BUD13: variants seen among roughly 807,000 people sequenced by gnomAD.
The protein encoded by BUD13 is BUD13 spliceosome associated protein.
In BUD13, 47 loss-of-function variants were observed where a neutral mutation model predicts 62.5. The ratio of observed to expected loss-of-function variants is 0.75; its 90% CI spans 0.60 to 0.96. The LOEUF (loss-of-function observed/expected upper bound fraction) is 0.96. Ranked by LOEUF, BUD13 falls within the 40% of genes least tolerant of loss-of-function variation. The pLI, the probability that BUD13 is intolerant of heterozygous loss-of-function variation, is 0.00. For missense variants in BUD13, 821 were observed against 790.9 expected, an observed-to-expected ratio of 1.04 and a Z score of -0.46; for synonymous variants, 293 against 280.1, an observed-to-expected ratio of 1.05 and a Z score of -0.46.
At chr11:116,757,047 T>C in intron 9 of BUD13, 99 bp downstream of exon 9, 1 of 1,161,400 alleles carries the variant, frequency 8.6e-7, no homozygotes, top group Non-Finnish European at 1.3e-6. Context: ...TTTTTCACCT[T>C]GTGATTAAAG....
intron 4 of BUD13, among the ~76,000 whole-genome samples, chr11:116,761,182 G>A (rs966857146): frequency 1.2e-4 from 18 of 151,900 alleles, no homozygotes; most frequent in Non-Finnish European, 2.4e-4. Context: ...CTCCCAAGTA[G>A]CTGGAATTAC....
intron 5 of BUD13, among the ~76,000 whole-genome samples, chr11:116,760,402 G>A (rs1940408425): frequency 6.6e-6 from 1 of 152,242 alleles, no homozygotes; most frequent in South Asian, 2.1e-4. Flanking sequence ...TTGACACAAT[G>A]CTTGTGCTCC....
chr11:116,754,289 C>T (rs1290992676), intron 9 of BUD13, among the ~76,000 whole-genome samples: 3 of 152,176 alleles, frequency 2.0e-5, no homozygotes, highest in Non-Finnish European at 4.4e-5. Context: ...TCAAGCAATC[C>T]GTCTGCCTTG....
At chr11:116,752,508 T>C (rs1032596700) in intron 9 of BUD13, among the ~76,000 whole-genome samples, 2 of 149,856 alleles carry the variant, frequency 1.3e-5, no homozygotes, top group Non-Finnish European at 3.0e-5. Flanking sequence ...AAAAAAAAAC[T>C]AGGTCAGGGA....
At position 116,749,589 on chromosome 11, in the gene BUD13, C is replaced by T. The variant is rs1940198488; in HGVS notation, c.1767-1014G>A. 5.3e-5 allele frequency among the ~76,000 whole-genome samples: 8 copies of T among 152,214 alleles called. No individual in the cohort carries two copies. In the South Asian group the frequency reaches 1.5e-3, roughly 28 times the overall value. On this transcript the variant is annotated intron_variant, in intron 9 of 9. Transcript: ENST00000260210. ...AAGTGGCCTGGTATGTGCAGCAAAC[C>T]AAAGGCAAACTGGTATGGCTGGAAC...
chr11:116,772,831 C>T lies in BUD13; in HGVS notation c.134G>A (p.Gly45Asp). Residue 45 changes from glycine to aspartate, a missense_variant, in exon 1 of 10, where the codon GGC becomes GAC. Physicochemically the swap from Gly to Asp is moderately conservative, Grantham distance 94 (BLOSUM62 -1). Around this residue, in one of 2 missense-constraint regions of BUD13, gnomAD observed 800 missense variants for 739.2 expected, o/e 1.08. Coordinates refer to ENST00000260210, the MANE Select transcript of BUD13 (RefSeq NM_032725.4). ...RKKRPKPGGAGGKGMRIVDDD... is the reference protein window; with the variant it reads ...RKKRPKPGGADGKGMRIVDDD... ...GCCGGTACCAACTCACCCCTTGCCGCCGGCCCCGCCAGGCTTCGGCCGCTT... is the reference window on the plus strand; with the variant it reads ...GCCGGTACCAACTCACCCCTTGCCGTCGGCCCCGCCAGGCTTCGGCCGCTT... 1.9e-6 allele frequency: 3 copies of T among 1,577,986 alleles called. No individual in the cohort carries two copies. The highest frequency in any genetic ancestry group is 2.6e-6 in the Non-Finnish European group (3 of 1,165,694).
Position 116,770,200 on chromosome 11 carries a change from C to T in BUD13, c.166G>A (p.Val56Met), listed in dbSNP as rs201834130. The T allele has an allele frequency of 4.3e-6, 7 of 1,612,938 alleles. No homozygotes were observed. The highest frequency in any genetic ancestry group is 5.9e-6 in the Non-Finnish European group (7 of 1,179,590). The part of the protein sequence containing the change: ...GKGMRIVDDD[V>M]SWTAISTTKL... Reference sequence around the variant, plus strand: ...GTTGTGGAGATAGCTGTCCAGCTCACATCATCATCCACAATCCGCATTCTA... The same window carrying T: ...GTTGTGGAGATAGCTGTCCAGCTCATATCATCATCCACAATCCGCATTCTA... The change falls in exon 2 of 10, where the codon GTG becomes ATG. Residue 56 changes from valine to methionine, a missense_variant. Coordinates refer to ENST00000260210, the MANE Select transcript of BUD13 (RefSeq NM_032725.4).
At chr11:116,769,944 C>A (rs1940593583) in intron 2 of BUD13, among the ~76,000 whole-genome samples, 185 bp downstream of exon 2, 2 of 151,558 alleles carry the variant, frequency 1.3e-5, no homozygotes, top group African/African-American at 4.9e-5. Flanking sequence ...GTAATCCCAG[C>A]TACTCAGGAG....
intron 9 of BUD13, among the ~76,000 whole-genome samples, chr11:116,752,089 G>A (rs567718665): frequency 1.6e-3 from 251 of 152,140 alleles, no homozygotes; most frequent in Non-Finnish European, 3.0e-3. Context: ...GACTACAGGC[G>A]CCCGCCACCA....
intron 9 of BUD13, 138 bp from the exon 10 acceptor site, chr11:116,748,713 C>G: frequency 1.2e-6 from 1 of 862,338 alleles, no homozygotes. Context: ...CATGGCCGGG[C>G]ACGGCGGCTC....
chr11:116,763,005 T>C lies in BUD13; in HGVS notation c.584A>G (p.His195Arg), dbSNP rs768906498. The part of the protein sequence containing the change: ...SDTSPPRRAR[H>R]DSPDPSPPRR... ...TGGGGGAGAAGGATCTGGAGAATCA[T>C]GACGGGCCCTCCTTGGGGGTGAAGT... The change falls in exon 4 of 10, where the codon CAT becomes CGT. Residue 195 changes from histidine (H) to arginine (R), a missense_variant. By Grantham distance (29) the His-to-Arg change is conservative. This residue lies in a region of BUD13 where 800 missense variants were observed against 739.2 expected (regional missense o/e 1.08). Transcript: ENST00000260210. The C allele has an allele frequency of 4.3e-6, 7 of 1,613,756 alleles. No homozygotes were observed. The highest frequency in any genetic ancestry group is 1.1e-5 in the South Asian group (1 of 91,056).
intron 9 of BUD13, 82 bp from the exon 10 acceptor site, chr11:116,748,657 T>C (rs1281113584): frequency 2.2e-6 from 3 of 1,337,670 alleles, no homozygotes; most frequent in Admixed American, 1.8e-5. Context: ...GTTCACAATA[T>C]AATGAAAAGG....
intron 3 of BUD13, among the ~76,000 whole-genome samples, chr11:116,763,497 T>A (rs544074372): frequency 6.6e-6 from 1 of 152,180 alleles, no homozygotes; most frequent in African/African-American, 2.4e-5. Context: ...TTTCAGCACA[T>A]TTTTCATATT....
At chr11:116,752,764 T>C (rs934889344) in intron 9 of BUD13, among the ~76,000 whole-genome samples, 2 of 152,202 alleles carry the variant, frequency 1.3e-5, no homozygotes, top group African/African-American at 4.8e-5. Flanking sequence ...ACAGTCAACT[T>C]ATAGATATCT....
At chr11:116,770,993 C>A (rs1452829171) in intron 1 of BUD13, among the ~76,000 whole-genome samples, 2 of 151,950 alleles carry the variant, frequency 1.3e-5, no homozygotes, top group Non-Finnish European at 2.9e-5. Flanking sequence ...CAGGGTTTCA[C>A]CATGTTGCCC....
Position 116,763,278 on chromosome 11 carries a change from T to C in BUD13, c.323-12A>G. ...GTCTTCGTTGTGGCCTAAACACAAA[T>C]AACAAAGAGTCAGATTCCCACAAAT... is the stretch of plus-strand genomic sequence containing the variant. On this transcript the variant is annotated splice_polypyrimidine_tract_variant and intron_variant, in intron 3 of 9. Coordinates refer to ENST00000260210, the MANE Select transcript of BUD13 (RefSeq NM_032725.4). The C allele has an allele frequency of 6.6e-7, 1 of 1,522,018 alleles. No homozygotes were observed. Among genetic ancestry groups the C allele is most frequent in the Non-Finnish European group, 8.8e-7 (1 of 1,136,442 alleles). 94.3% of individuals were successfully genotyped at this position (1,522,018 alleles called of 1,614,324 possible). A position where few individuals can be genotyped will look rare whatever the true frequency, so the allele number is the denominator to read the frequency against.
intron 2 of BUD13, among the ~76,000 whole-genome samples, chr11:116,768,544 C>T (rs1940569972): frequency 6.6e-6 from 1 of 151,612 alleles, no homozygotes; most frequent in Non-Finnish European, 1.5e-5. Flanking sequence ...TTTTTTAATT[C>T]CCAAATATTC....
At chr11:116,764,428 T>C (rs1463911801) in intron 3 of BUD13, among the ~76,000 whole-genome samples, 1 of 151,870 alleles carries the variant, frequency 6.6e-6, no homozygotes, top group Non-Finnish European at 1.5e-5. Flanking sequence ...GGGTCAGAGA[T>C]TGGTAAGCGT....
At chr11:116,750,746 T>C (rs1010936605) in intron 9 of BUD13, among the ~76,000 whole-genome samples, 1 of 152,238 alleles carries the variant, frequency 6.6e-6, no homozygotes, top group African/African-American at 2.4e-5. Context: ...TTTGTCTATC[T>C]AAAATGCAGA....
Sources: allele counts gnomAD v4.1 joint callset (sites outside exome capture counted in the v4.1 genomes callset), GRCh38; gene constraint gnomAD v4.1.1; regional missense constraint gnomAD v4.1.1; transcripts MANE v1.5; gene names NCBI Gene and HGNC (gene_info 2026-07-23, HGNC 2026-07-21).